Variants in SORCS3 observed in about 807,000 individuals in gnomAD.
SORCS3 encodes the protein VPS10 domain-containing receptor SorCS3.
Under a neutral mutation model 146.3 loss-of-function variants are expected in SORCS3, and 57 were observed. The ratio of observed to expected loss-of-function variants is 0.39; its 90% CI spans 0.31 to 0.49. The LOEUF is 0.49. SORCS3 is among the 20% of genes least tolerant of loss of function. The pLI, the probability that SORCS3 is intolerant of heterozygous loss-of-function variation, is 0.92. For synonymous variants in SORCS3, 653 were observed against 618.5 expected (o/e 1.06, Z -0.83); for missense variants, 1,341 against 1,575.5 (o/e 0.85, Z 2.52).
At chr10:104,853,876 T>C (rs2018300720) in intron 2 of SORCS3, among the ~76,000 whole-genome samples, 1 of 152,248 alleles carries the variant, frequency 6.6e-6, no homozygotes, top group Non-Finnish European at 1.5e-5. Flanking sequence ...TCAGTTATTA[T>C]GTGTCAGAGA....
rs532783877 is a variant in SORCS3 at position 105,121,819 on chromosome 10, C to T, written c.1212+16304C>T. On this transcript the variant is annotated intron_variant, in intron 7 of 26. Coordinates refer to ENST00000369701, the MANE Select transcript of SORCS3 (RefSeq NM_014978.3). ...TCAAACACCCATCCCTGGGACTTCC[C>T]GTGGGGACTGGGTGGCAGCGTGGAG... Among the ~76,000 whole-genome samples, 15 of 152,312 alleles carry T rather than the reference C, an allele frequency of 9.8e-5. No homozygotes were observed. The South Asian group carries it at 1.9e-3, about 19-fold the overall frequency.
intron 21 of SORCS3, 84 bp from the exon 22 acceptor site, chr10:105,247,135 A>T: frequency 1.6e-6 from 1 of 607,694 alleles, no homozygotes. Flanking sequence ...TACCAAAAGC[A>T]CAGTGATGGT....
intron 4 of SORCS3, among the ~76,000 whole-genome samples, chr10:104,977,730 C>CTTTT (rs796233007): frequency 2.8e-4 from 34 of 122,902 alleles, no homozygotes; most frequent in Non-Finnish European, 4.1e-4. Context: ...CTTTTCTTTT[C>CTTTT]TTTTTTTTTT....
intron 4 of SORCS3, among the ~76,000 whole-genome samples, chr10:104,978,397 A>G (rs2054913836): frequency 6.6e-6 from 1 of 152,176 alleles, no homozygotes. Context: ...CCAAATACGT[A>G]TATTCAGCTG....
At chr10:104,904,054 A>G (rs1460309256) in intron 2 of SORCS3, among the ~76,000 whole-genome samples, 1 of 152,222 alleles carries the variant, frequency 6.6e-6, no homozygotes, top group Admixed American at 6.5e-5. Flanking sequence ...CTGTTGTAAT[A>G]TGTATTGCTA....
chr10:104,913,409 A>G (rs2018990533), intron 2 of SORCS3, among the ~76,000 whole-genome samples: 1 of 152,198 alleles, frequency 6.6e-6, no homozygotes, highest in Non-Finnish European at 1.5e-5. Flanking sequence ...AAGGAGAAAG[A>G]TTGGGAGTGA....
chr10:104,877,640 A>C (rs1335803631), intron 2 of SORCS3, among the ~76,000 whole-genome samples: 1 of 152,194 alleles, frequency 6.6e-6, no homozygotes, highest in East Asian at 1.9e-4. Flanking sequence ...GATGTATACA[A>C]ATCATTTCAA....
At chr10:104,704,169 CTT>C (rs10694540) in intron 1 of SORCS3, among the ~76,000 whole-genome samples, 3 of 137,756 alleles carry the variant, frequency 2.2e-5, no homozygotes, top group Admixed American at 7.3e-5. Flanking sequence ...CCTTCTATGA[CTT>C]TTTTTTTTTT....
intron 1 of SORCS3, among the ~76,000 whole-genome samples, chr10:104,716,015 T>C (rs1444406849): frequency 1.3e-5 from 2 of 152,210 alleles, no homozygotes; most frequent in Non-Finnish European, 2.9e-5. Flanking sequence ...CCTTGCTGCT[T>C]CCACCTCAGA....
intron 26 of SORCS3, 101 bp from the exon 27 acceptor site, chr10:105,263,209 A>G: frequency 9.4e-7 from 1 of 1,062,050 alleles, no homozygotes; most frequent in East Asian, 2.5e-5. Context: ...CCTATTAAGC[A>G]CCTGTTCTGG....
At position 104,990,571 on chromosome 10, in the gene SORCS3, C is replaced by T. The variant is rs114814190; in HGVS notation, c.954+13078C>T. Reference sequence around the variant, plus strand: ...TGACATTTCTATGTTCCTAATCTCTCCTGAACCCCTCCAACTCCCCAGGCT... The same window carrying T: ...TGACATTTCTATGTTCCTAATCTCTTCTGAACCCCTCCAACTCCCCAGGCT... On this transcript the variant is annotated intron_variant, in intron 4 of 26. Transcript: ENST00000369701. Among the ~76,000 whole-genome samples, 1,158 of 152,184 alleles carry T rather than the reference C, an allele frequency of 7.6e-3. 20 individuals are homozygous for T. The highest frequency in any genetic ancestry group is 0.026 in the African/African-American group (1,098 of 41,500).
intron 1 of SORCS3, among the ~76,000 whole-genome samples, chr10:104,712,129 T>TCAC (rs931746774): frequency 1.4e-4 from 21 of 152,184 alleles, no homozygotes; most frequent in African/African-American, 4.6e-4. Flanking sequence ...GGCTCATTCT[T>TCAC]CCCACTTTAC....
intron 4 of SORCS3, among the ~76,000 whole-genome samples, chr10:104,990,756 A>G (rs2054989096): frequency 6.6e-6 from 1 of 152,190 alleles, no homozygotes; most frequent in Non-Finnish European, 1.5e-5. Flanking sequence ...GATGTTACAC[A>G]GAAGCAGAGG....
At chr10:105,153,514 A>G (rs984051041) in intron 9 of SORCS3, among the ~76,000 whole-genome samples, 3 of 152,142 alleles carry the variant, frequency 2.0e-5, no homozygotes, top group Non-Finnish European at 4.4e-5. Flanking sequence ...AAGCCACCAA[A>G]TTATTCCAAA....
intron 7 of SORCS3, among the ~76,000 whole-genome samples, chr10:105,127,009 C>G (rs1440923458): frequency 6.6e-6 from 1 of 152,156 alleles, no homozygotes; most frequent in Non-Finnish European, 1.5e-5. Flanking sequence ...GTACTTAATA[C>G]AGTCTGGTCA....
At chr10:105,142,889 A>G (rs553179480) in intron 8 of SORCS3, among the ~76,000 whole-genome samples, 5 of 152,292 alleles carry the variant, frequency 3.3e-5, no homozygotes, top group African/African-American at 1.2e-4. Context: ...AATATGTCTT[A>G]GAAAATTCAT....
intron 20 of SORCS3, among the ~76,000 whole-genome samples, chr10:105,234,944 A>T (rs988396225): frequency 6.6e-6 from 1 of 151,878 alleles, no homozygotes; most frequent in South Asian, 2.1e-4. Context: ...GACATGATAT[A>T]CTGGTTTGAA....
intron 8 of SORCS3, 40 bp from the exon 9 acceptor site, chr10:105,147,577 T>C: frequency 1.9e-6 from 3 of 1,562,036 alleles, no homozygotes; most frequent in Non-Finnish European, 2.6e-6. Context: ...CAGAGAGATA[T>C]GGAGATCTGC....
intron 1 of SORCS3, among the ~76,000 whole-genome samples, chr10:104,718,793 G>A (rs1433754081): frequency 6.6e-6 from 1 of 152,162 alleles, no homozygotes; most frequent in African/African-American, 2.4e-5. Flanking sequence ...AGGAAGTCCA[G>A]GAAAGTGGGA....
Sources: allele counts gnomAD v4.1 joint callset (sites outside exome capture counted in the v4.1 genomes callset), GRCh38; gene constraint gnomAD v4.1.1; transcripts MANE v1.5; gene names NCBI Gene and HGNC (gene_info 2026-07-23, HGNC 2026-07-21).